The following CD276 variants were observed in gnomAD, a reference collection of about 807,000 sequenced individuals.
CD276 encodes CD276 molecule, also known as CD276 antigen.
Under a neutral mutation model 50.0 loss-of-function variants are expected in CD276, and 34 were observed. That is an observed-to-expected ratio of 0.68 (90% CI 0.52 to 0.91). CD276 has a LOEUF of 0.91. Ranked by LOEUF, CD276 falls within the 40% of genes least tolerant of loss-of-function variation. The pLI is 0.00. For synonymous variants in CD276, 275 were observed against 313.0 expected, an observed-to-expected ratio of 0.88 and a Z score of 1.28; for missense variants, 634 against 717.5, an observed-to-expected ratio of 0.88 and a Z score of 1.33.
chr15:73,700,907 T>TCCCCCTC (rs1247994332), intron 2 of CD276, among the ~76,000 whole-genome samples: 1 of 1,002 alleles, frequency 1.0e-3, no homozygotes, highest in African/African-American at 1.8e-3. Context: ...CTCCTCCTCC[T>TCCCCCTC]CTTTTTTTTT....
chr15:73,695,592 C>CGT, intron 1 of CD276, among the ~76,000 whole-genome samples: 1 of 152,122 alleles, frequency 6.6e-6, no homozygotes, highest in Non-Finnish European at 1.5e-5. Context: ...ACGTCCCTAC[C>CGT]AGGAACTCCG....
chr15:73,688,936 G>C (rs1236399082), intron 1 of CD276, among the ~76,000 whole-genome samples: 1 of 152,148 alleles, frequency 6.6e-6, no homozygotes, highest in African/African-American at 2.4e-5. Flanking sequence ...GTCTGGAAAG[G>C]CTTCTGGAAA....
intron 9 of CD276, chr15:73,712,174 A>C (rs1286606752): frequency 2.0e-5 from 3 of 152,262 alleles, no homozygotes; most frequent in Admixed American, 6.6e-5. Flanking sequence ...AAAAAAAAAA[A>C]GTCAGCTTGG....
intron 1 of CD276, among the ~76,000 whole-genome samples, chr15:73,695,378 G>A (rs1341108955): frequency 3.3e-5 from 5 of 152,116 alleles, no homozygotes; most frequent in African/African-American, 9.7e-5. Context: ...CTTTCCCAGC[G>A]CGGCTACCTG....
At chr15:73,697,851 G>A (rs960235125) in intron 1 of CD276, 2 of 152,274 alleles carry the variant, frequency 1.3e-5, no homozygotes, top group African/African-American at 4.8e-5. Context: ...ACAGGCATGA[G>A]CCACCACACC....
Position 73,704,163 on chromosome 15 carries a change from C to T in CD276, c.1073-13C>T, listed in dbSNP as rs747184452. 4 of 1,607,072 alleles carry T rather than the reference C, an allele frequency of 2.5e-6. No individual in the cohort carries two copies. Among genetic ancestry groups the T allele is most frequent in the Non-Finnish European group, 3.4e-6 (4 of 1,176,336 alleles). ...TTGCCCTGCCCTTGACCCCTGCCCTCTGTCACCTCCAGCTCCCTACTCGAA... is the reference window on the plus strand; with the variant it reads ...TTGCCCTGCCCTTGACCCCTGCCCTTTGTCACCTCCAGCTCCCTACTCGAA... On this transcript the variant is annotated splice_polypyrimidine_tract_variant and intron_variant, in intron 5 of 9. Coordinates refer to ENST00000318443, the MANE Select transcript of CD276 (RefSeq NM_001024736.2). This position sits in a 1 kb window ranked among gnomAD's most constrained non-coding sequence, Gnocchi z 4.1.
intron 6 of CD276, among the ~76,000 whole-genome samples, chr15:73,706,659 C>T (rs1900664023): frequency 6.6e-6 from 1 of 152,204 alleles, no homozygotes; most frequent in Non-Finnish European, 1.5e-5. Flanking sequence ...CTTCGGGCAG[C>T]TTTGTATCAT....
At chr15:73,689,565 GTATT>G (rs1420102560) in intron 1 of CD276, among the ~76,000 whole-genome samples, 1 of 152,150 alleles carries the variant, frequency 6.6e-6, no homozygotes, top group Admixed American at 6.5e-5. Flanking sequence ...AGAGCACCTA[GTATT>G]AACTAGGTCA....
chr15:73,709,708 C>A lies in CD276; in HGVS notation c.1546+19C>A, dbSNP rs1212828798. Reference sequence around the variant, plus strand: ...AAGACAGGTGAGTCTGAACTTGGAGCTGGCCCTCTTGGCTGGGAGAGGGAC... The same window carrying A: ...AAGACAGGTGAGTCTGAACTTGGAGATGGCCCTCTTGGCTGGGAGAGGGAC... On this transcript the variant is annotated intron_variant, in intron 8 of 9. Coordinates refer to ENST00000318443, the MANE Select transcript of CD276 (RefSeq NM_001024736.2). 3.1e-6 allele frequency: 5 copies of A among 1,608,296 alleles called. No individual in the cohort carries two copies. In the Admixed American group the frequency reaches 8.6e-5, roughly 28 times the overall value.
chr15:73,708,238 G>T (rs968095540), intron 6 of CD276, 101 bp from the exon 7 acceptor site: 4 of 1,317,016 alleles, frequency 3.0e-6, no homozygotes, highest in East Asian at 4.6e-5. Flanking sequence ...TTAGGGCCCA[G>T]TGAGGGTGGG....
intron 1 of CD276, among the ~76,000 whole-genome samples, chr15:73,686,496 G>GT (rs1416380001): frequency 6.6e-6 from 1 of 152,222 alleles, no homozygotes; most frequent in African/African-American, 2.4e-5. Flanking sequence ...AGTTATAGAA[G>GT]TGTGGTCCCT....
chr15:73,711,081 C>T (rs1296592442), intron 8 of CD276, 54 bp from the exon 9 acceptor site: 2 of 1,603,016 alleles, frequency 1.2e-6, no homozygotes, highest in Non-Finnish European at 1.7e-6. Flanking sequence ...GACTCCCTAC[C>T]CCACCACTTC....
At chr15:73,702,041 C>T (rs753582151) in intron 2 of CD276, among the ~76,000 whole-genome samples, 1 of 152,244 alleles carries the variant, frequency 6.6e-6, no homozygotes, top group African/African-American at 2.4e-5. Flanking sequence ...CGTAGTATTG[C>T]TCTCTGTTGC....
intron 1 of CD276, among the ~76,000 whole-genome samples, chr15:73,695,545 G>T (rs796729109): frequency 3.3e-5 from 5 of 152,224 alleles, no homozygotes; most frequent in African/African-American, 1.2e-4. Context: ...GCTCCTTGAG[G>T]ACAGACGTGT....
chr15:73,688,847 T>C (rs1200118588), intron 1 of CD276, among the ~76,000 whole-genome samples: 1 of 151,916 alleles, frequency 6.6e-6, no homozygotes, highest in African/African-American at 2.4e-5. Context: ...TCTTTCAGGG[T>C]AGAAACCAAA....
chr15:73,693,323 C>T (rs1183364088), intron 1 of CD276, among the ~76,000 whole-genome samples: 2 of 152,104 alleles, frequency 1.3e-5, no homozygotes, highest in Admixed American at 6.5e-5. Flanking sequence ...CAAAAGATCA[C>T]GACAGGGTTA....
At chr15:73,707,369 T>G (rs899932795) in intron 6 of CD276, among the ~76,000 whole-genome samples, 4 of 152,224 alleles carry the variant, frequency 2.6e-5, no homozygotes, top group Non-Finnish European at 5.9e-5. Flanking sequence ...ACACAGGCTG[T>G]GCTCAGAACA....
chr15:73,684,750 G>C (rs1003273477), intron 1 of CD276: 4 of 152,546 alleles, frequency 2.6e-5, no homozygotes, highest in Admixed American at 6.5e-5. Flanking sequence ...GTTGAGAGGG[G>C]CCCGGGCGCC....
rs762246981 is a variant in CD276 at position 73,708,444 on chromosome 15, TCAAA to T, written c.1478_1481del (p.Lys493ArgfsTer27). On this transcript the variant is annotated frameshift_variant, in exon 7 of 10. Coordinates refer to ENST00000318443, the MANE Select transcript of CD276 (RefSeq NM_001024736.2). LOFTEE classifies it high-confidence loss of function. ...CTGGCTTTCGTGTGCTGGAGAAAGA[TCAAA>T]CAGAGCTGTGAGGAGGAGAATGCAG... The T allele has an allele frequency of 6.7e-5, 108 of 1,613,780 alleles. No individual in the cohort carries two copies. Among genetic ancestry groups the T allele is most frequent in the East Asian group, 1.1e-4 (5 of 44,892 alleles).
Sources: gnomAD v4.1 joint callset for allele counts (sites outside exome capture counted in the v4.1 genomes callset) on GRCh38, gnomAD v4.1.1 for gene constraint, Gnocchi (gnomAD v3.1) non-coding constraint, MANE v1.5 for transcripts, NCBI Gene and HGNC (gene_info 2026-07-23, HGNC 2026-07-21) for gene names.